Variants in PTPRN2 observed in about 807,000 individuals in gnomAD.
PTPRN2 encodes the protein receptor-type tyrosine-protein phosphatase N2.
In PTPRN2, 74 loss-of-function variants were observed where a neutral mutation model predicts 118.8. The ratio of observed to expected loss-of-function variants is 0.62; its 90% CI spans 0.52 to 0.76. PTPRN2 has a LOEUF of 0.76. Ranked by LOEUF, PTPRN2 falls within the 30% of genes least tolerant of loss-of-function variation. PTPRN2 has a pLI of 0.00. For missense variants in PTPRN2, 1,481 were observed against 1,394.4 expected, an observed-to-expected ratio of 1.06 and a Z score of -0.99; for synonymous variants, 641 against 608.0, an observed-to-expected ratio of 1.05 and a Z score of -0.80.
chr7:157,549,704 C>A (rs1241842667), intron 21 of PTPRN2, among the ~76,000 whole-genome samples: 1 of 152,170 alleles, frequency 6.6e-6, no homozygotes, highest in Non-Finnish European at 1.5e-5. Context: ...TTCCATTTTG[C>A]TAGGTTCTTT....
chr7:158,058,370 C>A (rs1809991896), intron 11 of PTPRN2, among the ~76,000 whole-genome samples: 1 of 142,538 alleles, frequency 7.0e-6, no homozygotes, highest in Non-Finnish European at 1.5e-5. Flanking sequence ...GGTGACACAT[C>A]ACTGCAGCCA....
At chr7:158,261,364 C>G (rs974244130) in intron 3 of PTPRN2, among the ~76,000 whole-genome samples, 1 of 152,078 alleles carries the variant, frequency 6.6e-6, no homozygotes. Context: ...ATAAAGCACA[C>G]GAACTTGTGA....
chr7:158,159,815 A>G (rs2150567759), intron 6 of PTPRN2, among the ~76,000 whole-genome samples: 1 of 152,386 alleles, frequency 6.6e-6, no homozygotes, highest in African/African-American at 2.4e-5. Flanking sequence ...GATGAAAGAA[A>G]GCAAAAGTAA....
At chr7:158,364,556 G>T (rs962375430) in intron 2 of PTPRN2, among the ~76,000 whole-genome samples, 2 of 152,220 alleles carry the variant, frequency 1.3e-5, no homozygotes, top group African/African-American at 4.8e-5. Flanking sequence ...TCACATGTAA[G>T]CTTAATAATG....
chr7:157,971,656 A>T (rs1210313917), intron 11 of PTPRN2, among the ~76,000 whole-genome samples: 1 of 152,164 alleles, frequency 6.6e-6, no homozygotes. Context: ...ACTTTGATTA[A>T]GACACAAATC....
intron 11 of PTPRN2, among the ~76,000 whole-genome samples, chr7:158,048,739 A>G (rs1049651131): frequency 6.6e-6 from 1 of 152,118 alleles, no homozygotes; most frequent in Non-Finnish European, 1.5e-5. Context: ...CATCACCATC[A>G]TCACTATCAC....
intron 2 of PTPRN2, among the ~76,000 whole-genome samples, chr7:158,352,918 G>A (rs183616274): frequency 2.6e-4 from 40 of 152,328 alleles, no homozygotes; most frequent in South Asian, 1.0e-3. Context: ...TGCTTTCGCC[G>A]CACCAGGGCC....
intron 1 of PTPRN2, among the ~76,000 whole-genome samples, chr7:158,490,378 T>C (rs1263345763): frequency 6.6e-6 from 1 of 152,144 alleles, no homozygotes; most frequent in African/African-American, 2.4e-5. Context: ...GGCCAGGCCC[T>C]GGAGGAGACG....
At chr7:158,149,957 T>C (rs1192702976) in intron 6 of PTPRN2, among the ~76,000 whole-genome samples, 2 of 152,166 alleles carry the variant, frequency 1.3e-5, no homozygotes, top group South Asian at 2.1e-4. Flanking sequence ...AAAATAAAAA[T>C]AGAAAGTAAG....
intron 12 of PTPRN2, among the ~76,000 whole-genome samples, chr7:157,795,018 C>A (rs1309351810): frequency 6.6e-6 from 1 of 152,192 alleles, no homozygotes; most frequent in African/African-American, 2.4e-5. Context: ...GCGTCGCAGC[C>A]CCTCACCTGT....
intron 12 of PTPRN2, among the ~76,000 whole-genome samples, chr7:157,723,610 C>T (rs1449506624): frequency 3.3e-5 from 5 of 152,334 alleles, no homozygotes; most frequent in South Asian, 2.1e-4. Context: ...TCCTTGTCCC[C>T]GGAGACGCTG....
chr7:157,540,936 CA>C, intron 22 of PTPRN2, 151 bp from the exon 23 acceptor site: 29 of 634,492 alleles, frequency 4.6e-5, no homozygotes, highest in South Asian at 8.2e-5. Context: ...AATTGTTTAG[CA>C]AAAAAAAGCA....
chr7:158,440,996 AGTGATGGGG>A, intron 2 of PTPRN2, among the ~76,000 whole-genome samples: 1 of 115,808 alleles, frequency 8.6e-6, no homozygotes, highest in Non-Finnish European at 1.8e-5. Context: ...TGGTGATGGC[AGTGATGGGG>A]GTGGTGGTAG....
At chr7:158,557,761 G>A (rs928560610) in intron 1 of PTPRN2, among the ~76,000 whole-genome samples, 5 of 152,146 alleles carry the variant, frequency 3.3e-5, no homozygotes, top group Admixed American at 1.3e-4. Context: ...GCACCATGGC[G>A]CCTAGAAGTG....
chr7:158,048,953 C>A (rs1265319378), intron 11 of PTPRN2, among the ~76,000 whole-genome samples: 1 of 141,178 alleles, frequency 7.1e-6, no homozygotes, highest in Non-Finnish European at 1.6e-5. Flanking sequence ...TCACTATGGT[C>A]CCATCACTAC....
chr7:158,474,326 G>A (rs1007320872), intron 2 of PTPRN2, among the ~76,000 whole-genome samples: 1 of 152,202 alleles, frequency 6.6e-6, no homozygotes, highest in African/African-American at 2.4e-5. Context: ...CTGGCACCCC[G>A]AGTCAACTTT....
Position 158,329,657 on chromosome 7 carries a change from AG to A in PTPRN2, c.164-12726del, listed in dbSNP as rs199710811. ...GTCTGCTGTTTCTAAGCCCCGCAAT[AG>A]GTGGTACTTTGAGCAGCCTTCATGG... On this transcript the variant is annotated intron_variant, in intron 2 of 22. Transcript: ENST00000389418. Among the ~76,000 whole-genome samples the A allele has an allele frequency of 8.2e-3, 1,253 of 152,318 alleles. 20 individuals are homozygous for A. The highest frequency in any genetic ancestry group is 0.028 in the African/African-American group (1,184 of 41,566).
At chr7:158,216,347 A>G (rs1219904298) in intron 3 of PTPRN2, among the ~76,000 whole-genome samples, 1 of 152,142 alleles carries the variant, frequency 6.6e-6, no homozygotes, top group African/African-American at 2.4e-5. Context: ...ACAAAATTAA[A>G]TGAGTTTTAA....
intron 15 of PTPRN2, among the ~76,000 whole-genome samples, chr7:157,605,263 C>T (rs567175970): frequency 5.3e-5 from 8 of 152,336 alleles, no homozygotes; most frequent in African/African-American, 1.4e-4. Flanking sequence ...AGCATGGGTG[C>T]GGGCTCTCTG....
Sources: gnomAD v4.1 joint callset for allele counts (sites outside exome capture counted in the v4.1 genomes callset) on GRCh38, gnomAD v4.1.1 for gene constraint, MANE v1.5 for transcripts, NCBI Gene and HGNC (gene_info 2026-07-23, HGNC 2026-07-21) for gene names.